PCNT: variants seen among roughly 807,000 people sequenced by gnomAD.
The protein encoded by PCNT is kendrin.
In PCNT, 319 loss-of-function variants were observed where a neutral mutation model predicts 380.4. The ratio of observed to expected loss-of-function variants is 0.84; its 90% CI spans 0.77 to 0.92. PCNT has a LOEUF of 0.92. PCNT is among the 40% of genes least tolerant of loss of function. PCNT has a pLI of 0.00. For synonymous variants in PCNT, 1,845 were observed against 1,735.2 expected (o/e 1.06, Z -1.57); for missense variants, 4,400 against 4,255.3 (o/e 1.03, Z -0.95).
chr21:46,411,515 C>G lies in PCNT; in HGVS notation c.5442C>G (p.Ser1814Arg), dbSNP rs960983482. ...RLLADQERRH[S>R]QALEALQQRL... is the part of the protein sequence containing the mutation. ...TGGCTGACCAGGAGCGCAGGCACAG[C>G]CAGGCCCTGGAGGCCCTGCAGCAGC... The change falls in exon 28 of 47, where the codon AGC becomes AGG. Residue 1814 changes from serine to arginine, a missense_variant. By Grantham distance (110) the Ser-to-Arg change is moderately radical. Transcript: ENST00000359568. 1 of 1,609,716 alleles carries G rather than the reference C, an allele frequency of 6.2e-7. No homozygotes were observed. Among genetic ancestry groups the G allele is most frequent in the African/African-American group, 1.3e-5 (1 of 74,812 alleles).
chr21:46,327,594 G>A (rs1170892467), intron 2 of PCNT, among the ~76,000 whole-genome samples: 1 of 152,168 alleles, frequency 6.6e-6, no homozygotes, highest in Admixed American at 6.6e-5. Flanking sequence ...GTAATTTTGA[G>A]AAGTTTTGGA....
chr21:46,434,122 T>C (rs1302118236), intron 38 of PCNT, among the ~76,000 whole-genome samples: 1 of 152,220 alleles, frequency 6.6e-6, no homozygotes, highest in Non-Finnish European at 1.5e-5. Context: ...ATCTGGATTA[T>C]AGAACCCTTC....
In PCNT at chr21:46,363,552, C is replaced by T. The variant is rs1314417794; in HGVS notation, c.2227C>T (p.Gln743Ter). ...NAKQKTELMK[Q>*]EFQRKETDWK... ...TAAGCAAAAGACTGAGCTGATGAAACAGGAATTCCAAAGAAAAGAAACGGA... is the reference window on the plus strand; with the variant it reads ...TAAGCAAAAGACTGAGCTGATGAAATAGGAATTCCAAAGAAAAGAAACGGA... Residue 743 changes from glutamine to a stop codon, truncating the protein, a stop_gained, in exon 14 of 47, where the codon CAG (glutamine) becomes TAG (stop). Transcript: ENST00000359568. LOFTEE classifies it high-confidence loss of function. 2 of 1,613,848 alleles carry T rather than the reference C, an allele frequency of 1.2e-6. No homozygotes were observed. Among genetic ancestry groups the T allele is most frequent in the Admixed American group, 1.7e-5 (1 of 59,936 alleles).
At chr21:46,413,755 T>C (rs1348614305) in intron 29 of PCNT, among the ~76,000 whole-genome samples, 1 of 152,204 alleles carries the variant, frequency 6.6e-6, no homozygotes, top group African/African-American at 2.4e-5. Flanking sequence ...TCTGTTCACC[T>C]CACTCCATAT....
rs113205703 is a variant in PCNT, at chr21:46,368,839, G to C, written c.3165+1700G>C. Among the ~76,000 whole-genome samples the C allele has an allele frequency of 1.5e-4, 23 of 152,322 alleles. 1 individual carries two copies. The South Asian group carries it at 4.4e-3, about 29-fold the overall frequency. On this transcript the variant is annotated intron_variant, in intron 15 of 46. Coordinates refer to ENST00000359568, the MANE Select transcript of PCNT (RefSeq NM_006031.6). ...CTTGTCAGACGTTTAAGAAGTACAC[G>C]TTCCAAACTATAAACGAGGGAATTG...
At chr21:46,379,891 C>G (rs2085455157) in intron 15 of PCNT, among the ~76,000 whole-genome samples, 1 of 152,224 alleles carries the variant, frequency 6.6e-6, no homozygotes, top group South Asian at 2.1e-4. Context: ...CTGTGCCAAG[C>G]CACATGGTCA....
At chr21:46,367,463 A>G (rs571066052) in intron 15 of PCNT, among the ~76,000 whole-genome samples, 1 of 152,144 alleles carries the variant, frequency 6.6e-6, no homozygotes, top group Admixed American at 6.5e-5. Flanking sequence ...GCCTGCCACC[A>G]TGCGCGGCTA....
At chr21:46,401,164 A>G (rs1486499150) in intron 25 of PCNT, among the ~76,000 whole-genome samples, 1 of 152,214 alleles carries the variant, frequency 6.6e-6, no homozygotes, top group Non-Finnish European at 1.5e-5. Flanking sequence ...GTCATATTAA[A>G]TATTGTTTGA....
chr21:46,360,466 G>A lies in PCNT; in HGVS notation c.2155-3014G>A, dbSNP rs1436509154. 3.0e-4 allele frequency among the ~76,000 whole-genome samples: 43 copies of A among 143,284 alleles called. 1 individual carries two copies. The highest frequency in any genetic ancestry group is 4.3e-3 in the Middle Eastern group (1 of 232). The allele number at this position is 143,284 out of a possible 152,430, so 94.0% of individuals were successfully genotyped here. Reference sequence around the variant, plus strand: ...TCTCGATCTCCTGACCTCGTGATCCGCCTGCCTCGGACTCCCAAAGTGCTG... The same window carrying A: ...TCTCGATCTCCTGACCTCGTGATCCACCTGCCTCGGACTCCCAAAGTGCTG... On this transcript the variant is annotated intron_variant, in intron 13 of 46. Coordinates refer to ENST00000359568, the MANE Select transcript of PCNT (RefSeq NM_006031.6).
chr21:46,359,964 C>T (rs1160055266), intron 13 of PCNT, among the ~76,000 whole-genome samples: 1 of 150,766 alleles, frequency 6.6e-6, no homozygotes, highest in Non-Finnish European at 1.5e-5. Flanking sequence ...TCAAGGGATC[C>T]TCCTACCTCA....
chr21:46,336,980 T>G (rs1569166128), intron 3 of PCNT, among the ~76,000 whole-genome samples: 1 of 98,666 alleles, frequency 1.0e-5, no homozygotes, highest in African/African-American at 2.9e-5. Context: ...ATTAGAAGGT[T>G]GTTTTTTTTG....
intron 15 of PCNT, among the ~76,000 whole-genome samples, chr21:46,368,582 A>G (rs2085011686): frequency 6.6e-6 from 1 of 152,236 alleles, no homozygotes; most frequent in African/African-American, 2.4e-5. Flanking sequence ...TGACTCAGGA[A>G]AGGACACGTG....
rs899869922 is a variant in PCNT at position 46,389,581 on chromosome 21, T to C, written c.3840+150T>C. 3 of 643,172 alleles carry C rather than the reference T, an allele frequency of 4.7e-6. No individual in the cohort carries two copies. The African/African-American group carries it at 5.5e-5, about 12-fold the overall frequency. The allele number at this position is 643,172 out of a possible 1,614,324, so 39.8% of individuals were successfully genotyped here. ...TTTCTGAACCAGATCTTTGAGGAAG[T>C]GGGCTTGCTACGAATGAGAGAATCT... On this transcript the variant is annotated intron_variant, in intron 19 of 46. Coordinates refer to ENST00000359568, the MANE Select transcript of PCNT (RefSeq NM_006031.6).
chr21:46,378,904 G>A (rs531309281), intron 15 of PCNT, among the ~76,000 whole-genome samples: 3 of 152,200 alleles, frequency 2.0e-5, no homozygotes, highest in Admixed American at 6.5e-5. Context: ...CTTTATGCAC[G>A]TGTCTTTTAA....
At position 46,366,768 on chromosome 21, in the gene PCNT, G is replaced by C; in HGVS notation, c.2794G>C (p.Ala932Pro). ...RHQAALGELT[A>P]SLESKQGALL... ...CCAGGCCGCGTTGGGCGAGCTGACA[G>C]CCTCCTTAGAGAGCAAGCAGGGGGC... The change falls in exon 15 of 47, where the codon GCC becomes CCC. Residue 932 changes from alanine (A) to proline (P), a missense_variant. Physicochemically the swap from Ala to Pro is conservative, Grantham distance 27. Transcript: ENST00000359568. The C allele has an allele frequency of 6.2e-7, 1 of 1,613,624 alleles. No individual in the cohort carries two copies. Among genetic ancestry groups the C allele is most frequent in the Non-Finnish European group, 8.5e-7 (1 of 1,180,042 alleles).
At position 46,389,243 on chromosome 21, in the gene PCNT, T is replaced by C. The variant is rs1015627032; in HGVS notation, c.3652T>C (p.Leu1218=). 5.0e-6 allele frequency: 8 copies of C among 1,613,972 alleles called. No individual in the cohort carries two copies. Among genetic ancestry groups the C allele is most frequent in the Admixed American group, 1.7e-5 (1 of 59,990 alleles). ...ATGGTCTGATGTGGCCCTCCCGGAG[T>C]TGGACAGAACTTTGTCTGAATGTGC... ...ETWSDVALPE[L]DRTLSECAEM... is the part of the protein sequence containing the mutation. The change falls in exon 19 of 47, where the codon TTG becomes CTG. Residue 1218 remains leucine, a synonymous_variant. Transcript: ENST00000359568.
In PCNT at chr21:46,359,480, G is replaced by GTTGTTTTTTTTTTTT. The variant is rs2084609442; in HGVS notation, c.2154+2291_2154+2292insGTTTTTTTTTTTTTT. Among the ~76,000 whole-genome samples, 28 of 65,746 alleles carry GTTGTTTTTTTTTTTT rather than the reference G, an allele frequency of 4.3e-4. 3 individuals are homozygous for GTTGTTTTTTTTTTTT. The highest frequency in any genetic ancestry group is 7.4e-4 in the Non-Finnish European group (22 of 29,602). The allele number at this position is 65,746 out of a possible 152,430, so 43.1% of individuals were successfully genotyped here. On this transcript the variant is annotated intron_variant, in intron 13 of 46. Coordinates refer to ENST00000359568, the MANE Select transcript of PCNT (RefSeq NM_006031.6). ...TAGTATTCTGTCCAAAAATACACCTGTTTTTTTTTTGTTTTTTTTTTTTTT... is the reference window on the plus strand; with the variant it reads ...TAGTATTCTGTCCAAAAATACACCTGTTGTTTTTTTTTTTTTTTTTTTTTTGTTTTTTTTTTTTTT...
rs2086026796 is a variant in PCNT at position 46,391,373 on chromosome 21, G to A, written c.4213G>A (p.Ala1405Thr). 2 of 1,548,192 alleles carry A rather than the reference G, an allele frequency of 1.3e-6. No homozygotes were observed. The highest frequency in any genetic ancestry group is 1.7e-6 in the Non-Finnish European group (2 of 1,145,598). Residue 1405 changes from alanine (A) to threonine (T), a missense_variant, in exon 21 of 47, where the codon GCT becomes ACT. Transcript: ENST00000359568. ...AGCCACGGACGCCGAGGCCAGAGAAGCTGGTAAGGAGCGCGGGCTGTGGAG... is the reference window on the plus strand; with the variant it reads ...AGCCACGGACGCCGAGGCCAGAGAAACTGGTAAGGAGCGCGGGCTGTGGAG... ...ATATDAEAREAALRKEVEDLT... is the reference protein window; with the variant it reads ...ATATDAEARETALRKEVEDLT...
chr21:46,365,847 C>CTGTCGT (rs373559895), intron 14 of PCNT, among the ~76,000 whole-genome samples: 17,204 of 111,214 alleles, frequency 0.15, 1,201 homozygotes, highest in South Asian at 0.25. Flanking sequence ...TTCACTGCCA[C>CTGTCGT]AGGGTTCTGT....
Sources: allele counts gnomAD v4.1 joint callset (sites outside exome capture counted in the v4.1 genomes callset), GRCh38; gene constraint gnomAD v4.1.1; transcripts MANE v1.5; gene names NCBI Gene and HGNC (gene_info 2026-07-23, HGNC 2026-07-21).